SORCS1: variants seen among roughly 807,000 people sequenced by gnomAD.
The protein encoded by SORCS1 is sortilin related VPS10 domain containing receptor 1.
Under a neutral mutation model 146.1 loss-of-function variants are expected in SORCS1, and 60 were observed. That is an observed-to-expected ratio of 0.41 (90% CI 0.33 to 0.51). The LOEUF (loss-of-function observed/expected upper bound fraction) is 0.51, where lower values mean the gene tolerates loss of function less well. Among genes scored for constraint, SORCS1 ranks in the 20% least tolerant of loss-of-function variants. The pLI, the probability that SORCS1 is intolerant of heterozygous loss-of-function variation, is 0.21. For missense variants in SORCS1, 1,352 were observed against 1,487.6 expected (o/e 0.91, Z 1.50); for synonymous variants, 637 against 584.0 (o/e 1.09, Z -1.31).
At chr10:106,755,802 C>T (rs1406523091) in intron 5 of SORCS1, among the ~76,000 whole-genome samples, 1 of 152,134 alleles carries the variant, frequency 6.6e-6, no homozygotes, top group African/African-American at 2.4e-5. Flanking sequence ...GAAAAAGAGA[C>T]AGACTGGCTT....
At chr10:106,863,856 T>C (rs967699682) in intron 2 of SORCS1, among the ~76,000 whole-genome samples, 78 of 151,542 alleles carry the variant, frequency 5.1e-4, no homozygotes, top group African/African-American at 1.7e-3. Context: ...AAGCTGCCAG[T>C]CCCATCTCAC....
At chr10:106,706,666 C>T (rs370287814) in intron 7 of SORCS1, 32 bp from the exon 8 acceptor site, 32 of 1,604,376 alleles carry the variant, frequency 2.0e-5, no homozygotes, top group South Asian at 1.9e-4. Context: ...GTAAGAAGCT[C>T]GAGCTACTGT....
intron 2 of SORCS1, among the ~76,000 whole-genome samples, chr10:106,907,227 T>C (rs1951947293): frequency 6.6e-6 from 1 of 152,168 alleles, no homozygotes; most frequent in Non-Finnish European, 1.5e-5. Context: ...CATACAGTAA[T>C]AACACACTGG....
At chr10:106,625,358 C>T (rs1471356203) in intron 19 of SORCS1, among the ~76,000 whole-genome samples, 1 of 152,100 alleles carries the variant, frequency 6.6e-6, no homozygotes, top group African/African-American at 2.4e-5. Context: ...AAAAAAGCTA[C>T]TAGAAGAAAT....
chr10:106,974,641 A>T (rs1022346242), intron 1 of SORCS1, among the ~76,000 whole-genome samples: 5 of 152,198 alleles, frequency 3.3e-5, no homozygotes, highest in Non-Finnish European at 4.4e-5. Context: ...TCAGTCTCCA[A>T]AGCAAGGGTT....
intron 5 of SORCS1, among the ~76,000 whole-genome samples, chr10:106,756,063 AG>A (rs1302141990): frequency 1.3e-5 from 2 of 152,086 alleles, no homozygotes; most frequent in Non-Finnish European, 2.9e-5. Flanking sequence ...CGGGAGGCAG[AG>A]GTGGCAATGA....
intron 1 of SORCS1, among the ~76,000 whole-genome samples, chr10:107,149,270 G>A (rs1303766279): frequency 6.6e-6 from 1 of 152,158 alleles, no homozygotes; most frequent in Non-Finnish European, 1.5e-5. Flanking sequence ...TGCTTTCTGG[G>A]ACATTTCCAT....
chr10:106,806,316 C>T (rs1015452743), intron 3 of SORCS1, among the ~76,000 whole-genome samples: 7 of 150,050 alleles, frequency 4.7e-5, no homozygotes, highest in African/African-American at 9.8e-5. Flanking sequence ...TGCAGTGAGC[C>T]GAGATCAGGC....
chr10:106,872,443 A>T (rs957763450), intron 2 of SORCS1, among the ~76,000 whole-genome samples: 4 of 152,222 alleles, frequency 2.6e-5, no homozygotes, highest in Non-Finnish European at 4.4e-5. Context: ...CCTAAACCAC[A>T]ATAAGCCTTG....
chr10:106,964,401 T>C (rs775817936), intron 1 of SORCS1, among the ~76,000 whole-genome samples: 8 of 152,188 alleles, frequency 5.3e-5, no homozygotes, highest in Admixed American at 3.3e-4. Context: ...ACTCCTGAGC[T>C]CAAGTGATCC....
At chr10:106,717,821 A>C (rs1159605687) in intron 6 of SORCS1, among the ~76,000 whole-genome samples, 1 of 152,198 alleles carries the variant, frequency 6.6e-6, no homozygotes, top group Non-Finnish European at 1.5e-5. Flanking sequence ...TCTAGGATGA[A>C]TGGAAGTGCT....
chr10:106,835,518 G>T (rs910719169), intron 2 of SORCS1, among the ~76,000 whole-genome samples: 58 of 152,110 alleles, frequency 3.8e-4, no homozygotes, highest in Admixed American at 3.7e-3. Flanking sequence ...TATTCATAAA[G>T]CAATTACAAC....
chr10:106,869,560 T>A (rs1950333640), intron 2 of SORCS1, among the ~76,000 whole-genome samples: 1 of 152,148 alleles, frequency 6.6e-6, no homozygotes, highest in Non-Finnish European at 1.5e-5. Flanking sequence ...ATAAATGTGA[T>A]TCATCACATA....
chr10:106,730,332 G>A (rs1217165418), intron 5 of SORCS1, among the ~76,000 whole-genome samples: 1 of 152,204 alleles, frequency 6.6e-6, no homozygotes, highest in Non-Finnish European at 1.5e-5. Flanking sequence ...AAGGCAGGCT[G>A]CATTCTAGCA....
chr10:106,810,992 G>A (rs1409409771), intron 3 of SORCS1, among the ~76,000 whole-genome samples: 2 of 151,048 alleles, frequency 1.3e-5, no homozygotes, highest in Admixed American at 6.6e-5. Flanking sequence ...CCAGGCTGGA[G>A]TGCAGCGGTG....
chr10:106,814,479 CACTA>C (rs979479893), intron 3 of SORCS1, among the ~76,000 whole-genome samples: 1 of 152,184 alleles, frequency 6.6e-6, no homozygotes, highest in Admixed American at 6.5e-5. Context: ...GGCAACCAGT[CACTA>C]ACTAGGCTTC....
At chr10:106,850,463 T>A (rs890716239) in intron 2 of SORCS1, among the ~76,000 whole-genome samples, 4 of 152,036 alleles carry the variant, frequency 2.6e-5, no homozygotes, top group African/African-American at 4.8e-5. Context: ...GTGCGCGCAC[T>A]CACTGGCCTG....
chr10:107,144,670 AC>A (rs1325296671), intron 1 of SORCS1, among the ~76,000 whole-genome samples: 1 of 152,204 alleles, frequency 6.6e-6, no homozygotes, highest in Admixed American at 6.5e-5. Flanking sequence ...GAGCAGCTGA[AC>A]CCCAGCTGAA....
chr10:107,164,738 C>T (rs999137853), upstream of SORCS1, among the ~76,000 whole-genome samples: 8 of 149,964 alleles, frequency 5.3e-5, no homozygotes, highest in East Asian at 1.6e-3. The surrounding 1 kb of genome is among the most constrained non-coding windows in gnomAD (Gnocchi z 6.8). Flanking sequence ...AGCGAGCCGC[C>T]GCCGCGCGGG....
Sources: gnomAD v4.1 joint callset for allele counts (sites outside exome capture counted in the v4.1 genomes callset) on GRCh38, gnomAD v4.1.1 for gene constraint, Gnocchi (gnomAD v3.1) non-coding constraint, MANE v1.5 for transcripts, NCBI Gene and HGNC (gene_info 2026-07-23, HGNC 2026-07-21) for gene names.